PTK2: variants seen among roughly 807,000 people sequenced by gnomAD.
PTK2 encodes the protein protein tyrosine kinase 2, also known as focal adhesion kinase 1.
PTK2 carries 45 observed loss-of-function variants against 150.1 expected under a neutral mutation model. The observed-to-expected ratio is 0.30, with a 90% confidence interval of 0.24 to 0.38. The LOEUF is 0.38. PTK2 is among the 10% of genes least tolerant of loss of function. The pLI is 1.00. For missense variants in PTK2, 919 were observed against 1,307.3 expected (o/e 0.70, Z 4.58); for synonymous variants, 432 against 449.2 (o/e 0.96, Z 0.48).
chr8:140,735,088 G>A, intron 22 of PTK2, 163 bp downstream of exon 25: 1 of 671,150 alleles, frequency 1.5e-6, no homozygotes, highest in Non-Finnish European at 2.5e-6. Flanking sequence ...CTCTAGCAAG[G>A]TACAAAGAAA....
intron 5 of PTK2, among the ~76,000 whole-genome samples, chr8:140,850,254 C>T (rs974948649): frequency 2.4e-4 from 37 of 151,796 alleles, no homozygotes; most frequent in Middle Eastern, 6.8e-3. Context: ...GGTGAAACCC[C>T]GTCTCTACTA....
chr8:140,715,197 G>A (rs2100039025), intron 23 of PTK2, among the ~76,000 whole-genome samples: 1 of 82,002 alleles, frequency 1.2e-5, no homozygotes, highest in Non-Finnish European at 2.2e-5. Flanking sequence ...TTTTTTGAGA[G>A]AGTCTCACTT....
intron 2 of PTK2, among the ~76,000 whole-genome samples, chr8:140,915,393 C>T (rs932588716): frequency 5.3e-5 from 8 of 151,942 alleles, no homozygotes; most frequent in Admixed American, 5.2e-4. Context: ...CAAGACCAAG[C>T]CACATACATA....
intron 13 of PTK2, among the ~76,000 whole-genome samples, chr8:140,791,214 C>T (rs375499182): frequency 2.0e-5 from 3 of 152,240 alleles, no homozygotes; most frequent in South Asian, 2.1e-4. Flanking sequence ...CTCACGAAGT[C>T]ACCCAGACTC....
At chr8:140,866,248 TTTTA>T (rs2100139207) in intron 4 of PTK2, among the ~76,000 whole-genome samples, 2 of 151,902 alleles carry the variant, frequency 1.3e-5, no homozygotes, top group East Asian at 1.9e-4. Flanking sequence ...GGGACTCCCA[TTTTA>T]TTTATTTATT....
chr8:140,928,595 T>A (rs2100170571), intron 1 of PTK2, among the ~76,000 whole-genome samples: 1 of 152,126 alleles, frequency 6.6e-6, no homozygotes, highest in East Asian at 1.9e-4. Context: ...GTATATAAAT[T>A]CAATGAAATA....
chr8:140,758,871 A>G (rs2100067491), intron 16 of PTK2, among the ~76,000 whole-genome samples: 2 of 152,184 alleles, frequency 1.3e-5, no homozygotes, highest in Admixed American at 6.5e-5. Context: ...TAAGTGCCCT[A>G]TATGAGTGTA....
chr8:140,720,219 T>C (rs997276403), intron 22 of PTK2, among the ~76,000 whole-genome samples: 1 of 152,206 alleles, frequency 6.6e-6, no homozygotes, highest in Non-Finnish European at 1.5e-5. Flanking sequence ...AATACCTTTA[T>C]ATTTCAATTT....
At chr8:140,687,366 G>A (rs1437652329) in intron 26 of PTK2, among the ~76,000 whole-genome samples, 4 of 152,026 alleles carry the variant, frequency 2.6e-5, no homozygotes, top group African/African-American at 4.8e-5. Flanking sequence ...ACTTCTTCCC[G>A]GAAAACTTCT....
chr8:140,858,150 C>T (rs1265953164), intron 5 of PTK2, among the ~76,000 whole-genome samples: 4 of 151,992 alleles, frequency 2.6e-5, no homozygotes, highest in African/African-American at 9.7e-5. Context: ...TAAAACTGGT[C>T]ACGGTTGAGG....
At chr8:140,995,495 G>A (rs1411063622) in intron 1 of PTK2, among the ~76,000 whole-genome samples, 1 of 151,994 alleles carries the variant, frequency 6.6e-6, no homozygotes, top group African/African-American at 2.4e-5. Context: ...ATTACGCTTA[G>A]TGAGAAAAAA....
At chr8:140,707,525 C>A (rs2100034497) in intron 23 of PTK2, among the ~76,000 whole-genome samples, 2 of 146,858 alleles carry the variant, frequency 1.4e-5, no homozygotes, top group African/African-American at 5.1e-5. Flanking sequence ...CGTGCCTCAG[C>A]CTCTCAAGTA....
intron 1 of PTK2, among the ~76,000 whole-genome samples, chr8:141,000,015 G>GA (rs36146347): frequency 7.8e-4 from 98 of 124,904 alleles, no homozygotes; most frequent in East Asian, 3.5e-3. Flanking sequence ...AAATGACTCG[G>GA]AAAAAAAAAA....
At chr8:140,982,064 T>TA (rs142919207) in intron 1 of PTK2, among the ~76,000 whole-genome samples, 5,312 of 112,300 alleles carry the variant, frequency 0.047, 307 homozygotes, top group African/African-American at 0.15. Flanking sequence ...ACCAACTCAA[T>TA]AAAAAAAAAA....
intron 16 of PTK2, among the ~76,000 whole-genome samples, chr8:140,755,749 A>G (rs1323525144): frequency 6.6e-6 from 1 of 152,208 alleles, no homozygotes; most frequent in East Asian, 1.9e-4. Flanking sequence ...AGTAGCTGTC[A>G]CAGAGCAGAA....
At chr8:140,913,037 G>A (rs939218974) in intron 2 of PTK2, among the ~76,000 whole-genome samples, 2 of 152,098 alleles carry the variant, frequency 1.3e-5, no homozygotes, top group African/African-American at 4.8e-5. Context: ...TCTCCCTAAG[G>A]GGGAAAAAAG....
chr8:140,967,981 T>C (rs886566627), intron 1 of PTK2, among the ~76,000 whole-genome samples: 4 of 152,214 alleles, frequency 2.6e-5, no homozygotes, highest in African/African-American at 9.6e-5. Context: ...GAATATGTTA[T>C]GAAAATCACC....
intron 10 of PTK2, among the ~76,000 whole-genome samples, chr8:140,809,569 C>T (rs1349005309): frequency 6.6e-6 from 1 of 152,154 alleles, no homozygotes; most frequent in African/African-American, 2.4e-5. Context: ...CTTTGGGAGG[C>T]TGGGGTGGGC....
chr8:140,689,907 G>A (rs1035446041), intron 26 of PTK2, among the ~76,000 whole-genome samples: 9 of 152,128 alleles, frequency 5.9e-5, no homozygotes, highest in Admixed American at 6.6e-5. Flanking sequence ...AGGTGATTAG[G>A]TTTGACTCTA....
Sources: gnomAD v4.1 joint callset for allele counts (sites outside exome capture counted in the v4.1 genomes callset) on GRCh38, gnomAD v4.1.1 for gene constraint, MANE v1.5 for transcripts, NCBI Gene and HGNC (gene_info 2026-07-23, HGNC 2026-07-21) for gene names.